The following DNAH3 variants were observed in gnomAD, a reference collection of about 807,000 sequenced individuals.
DNAH3 encodes the protein axonemal beta dynein heavy chain 3.
In DNAH3, 332 loss-of-function variants were observed where a neutral mutation model predicts 432.5. That is an observed-to-expected ratio of 0.77 (90% CI 0.70 to 0.84). The LOEUF is 0.84. Ranked by LOEUF, DNAH3 falls within the 40% of genes least tolerant of loss-of-function variation. The pLI is 0.00. For missense variants in DNAH3, 4,861 were observed against 5,114.0 expected (o/e 0.95, Z 1.51); for synonymous variants, 1,956 against 1,900.2 (o/e 1.03, Z -0.76).
chr16:20,948,278 T>C (rs1217836605), intron 57 of DNAH3, among the ~76,000 whole-genome samples: 1 of 148,392 alleles, frequency 6.7e-6, no homozygotes, highest in African/African-American at 2.5e-5. Context: ...TTGAAACACC[T>C]TGTCTACCAA....
intron 20 of DNAH3, among the ~76,000 whole-genome samples, chr16:21,077,707 T>C (rs2091024522): frequency 6.6e-6 from 1 of 152,116 alleles, no homozygotes; most frequent in South Asian, 2.1e-4. Context: ...GGCAAAGAAT[T>C]GGAAAGCCAA....
intron 12 of DNAH3, 59 bp downstream of exon 12, chr16:21,117,144 A>T: frequency 8.4e-7 from 1 of 1,196,846 alleles, no homozygotes; most frequent in Non-Finnish European, 1.2e-6. Flanking sequence ...GATGAGAGTT[A>T]AGAACACCAA....
At chr16:21,060,526 C>CTTTTTTTTTTTTTTTTTTTTTTTT (rs375746116) in intron 25 of DNAH3, among the ~76,000 whole-genome samples, 170 bp from the exon 26 acceptor site, 3 of 93,418 alleles carry the variant, frequency 3.2e-5, no homozygotes, top group Non-Finnish European at 6.1e-5. Flanking sequence ...TTTTTTTTTT[C>CTTTTTTTTTTTTTTTTTTTTTTTT]TTTTTTTTTT....
intron 1 of DNAH3, among the ~76,000 whole-genome samples, chr16:21,152,099 T>A (rs924306547): frequency 5.9e-5 from 9 of 151,996 alleles, no homozygotes; most frequent in Non-Finnish European, 1.3e-4. Flanking sequence ...CCGGGCATGG[T>A]GGTAGTCGCC....
intron 55 of DNAH3, among the ~76,000 whole-genome samples, chr16:20,954,084 G>T (rs367797569): frequency 1.3e-5 from 2 of 151,532 alleles, no homozygotes; most frequent in Admixed American, 6.6e-5. Flanking sequence ...AATTAACCGG[G>T]TGTGGTGGCA....
rs201298507 is a variant in DNAH3 at position 21,146,767 on chromosome 16, C to CTTT, written c.118-682_118-680dup. Among the ~76,000 whole-genome samples the CTTT allele has an allele frequency of 3.3e-4, 48 of 146,458 alleles. 1 individual carries two copies. Among genetic ancestry groups the CTTT allele is most frequent in the African/African-American group, 1.1e-3 (45 of 39,798 alleles). ...ACTCCTGTTTCTTTTTTCTTTCTTT[C>CTTT]TTTTTTTTTTTGAGATGGAGTCTTG... On this transcript the variant is annotated intron_variant, in intron 1 of 61. Transcript: ENST00000261383.
chr16:20,933,403 A>T (rs2083478142), exon 62 of DNAH3: 2 of 1,614,050 alleles, frequency 1.2e-6, no homozygotes, highest in African/African-American at 2.7e-5. Flanking sequence ...GAGATTCCCC[A>T]ATCTGCATCG....
intron 27 of DNAH3, 61 bp downstream of exon 27, chr16:21,058,025 G>A (rs949606168): frequency 2.7e-5 from 27 of 1,005,470 alleles, no homozygotes; most frequent in South Asian, 9.0e-5. Flanking sequence ...CTAATTATAC[G>A]TCATTCAAAT....
At chr16:20,997,871 T>C (rs892747908) in intron 43 of DNAH3, among the ~76,000 whole-genome samples, 2 of 145,414 alleles carry the variant, frequency 1.4e-5, no homozygotes, top group African/African-American at 2.6e-5. Context: ...TAGTCAGGCA[T>C]GGTGGCTTAT....
intron 26 of DNAH3, among the ~76,000 whole-genome samples, 160 bp from the exon 27 acceptor site, chr16:21,058,356 T>C (rs747330561): frequency 3.9e-5 from 6 of 152,238 alleles, no homozygotes; most frequent in African/African-American, 9.6e-5. Flanking sequence ...TACTGATTTA[T>C]GTCTTCCTTT....
Position 20,948,721 on chromosome 16 carries a change from C to G in DNAH3, c.11189-84G>C, listed in dbSNP as rs2084172267. 4 of 1,456,758 alleles carry G rather than the reference C, an allele frequency of 2.7e-6. No individual in the cohort carries two copies. In the South Asian group the frequency reaches 3.7e-5, roughly 13 times the overall value. 90.2% of individuals were successfully genotyped at this position (1,456,758 alleles called of 1,614,324 possible). ...GGTTGATGTAAAACACGGCATTCTTCCGGCCAAAGATCTCTGCTGGGACAT... is the reference window on the plus strand; with the variant it reads ...GGTTGATGTAAAACACGGCATTCTTGCGGCCAAAGATCTCTGCTGGGACAT... On this transcript the variant is annotated intron_variant, in intron 56 of 61. Coordinates refer to ENST00000261383, the Ensembl canonical transcript of DNAH3.
At chr16:21,067,393 T>C in exon 24 of DNAH3, 1 of 1,613,952 alleles carries the variant, frequency 6.2e-7, no homozygotes, top group Non-Finnish European at 8.5e-7. Context: ...GCTGGTCGGC[T>C]GCCACCAGAA....
At chr16:20,964,076 A>G (rs1367840159) in exon 53 of DNAH3, 1 of 1,614,190 alleles carries the variant, frequency 6.2e-7, no homozygotes, top group Non-Finnish European at 8.5e-7. Context: ...ATCTCTTCAG[A>G]TAGCACTTTG....
chr16:20,933,169 G>A (rs1567479800), exon 62 of DNAH3: 11 of 1,612,902 alleles, frequency 6.8e-6, no homozygotes, highest in Non-Finnish European at 9.3e-6. Flanking sequence ...TATCCAGCTG[G>A]CACAGTGAGG....
At chr16:21,134,233 G>GA (rs745689810) in intron 7 of DNAH3, 26 bp downstream of exon 8, 535 of 1,557,770 alleles carry the variant, frequency 3.4e-4, no homozygotes, top group South Asian at 5.9e-4. Context: ...GAAAGGGAAT[G>GA]AAAAAAAAAG....
rs765457589 is a variant in DNAH3 at position 21,060,268 on chromosome 16, A to G, written c.3809T>C (p.Val1270Ala). 17 of 1,613,302 alleles carry G rather than the reference A, an allele frequency of 1.1e-5. No homozygotes were observed. The Admixed American group carries it at 1.5e-4, about 14-fold the overall frequency. Residue 1270 changes from valine to alanine, a missense_variant, in exon 26 of 62, where the codon GTC (valine) becomes GCC (alanine). Val to Ala is a moderately conservative substitution (Grantham distance 64). Transcript: ENST00000261383. ...TGTACCCCGGTTCTTGTTTACCTTG[A>G]CATATGCTTCAATCCCAAGTCCAAT...
intron 51 of DNAH3, among the ~76,000 whole-genome samples, chr16:20,972,739 ATTTTTTTTTTTT>A (rs34245316): frequency 1.0e-5 from 1 of 95,976 alleles, no homozygotes; most frequent in Admixed American, 1.3e-4. Flanking sequence ...ATGCCCCGTG[ATTTTTTTTTTTT>A]TTTTTTTTTT....
rs377014742 is a variant in DNAH3, at chr16:21,081,717, A to G, written c.2888T>C (p.Ile963Thr). ...GGTGGGCTTTATCTCATAGCCAACAATCTCACTGATCTGCAAAGAAAAGAG... is the reference window on the plus strand; with the variant it reads ...GGTGGGCTTTATCTCATAGCCAACAGTCTCACTGATCTGCAAAGAAAAGAG... Residue 963 changes from isoleucine to threonine, a missense_variant, in exon 20 of 62, where the codon ATT becomes ACT. Transcript: ENST00000261383. The G allele has an allele frequency of 1.5e-5, 25 of 1,613,478 alleles. No individual in the cohort carries two copies. Among genetic ancestry groups the G allele is most frequent in the Non-Finnish European group, 2.1e-5 (25 of 1,179,640 alleles).
chr16:21,132,841 T>TA (rs1001028226), intron 7 of DNAH3, among the ~76,000 whole-genome samples: 1 of 152,158 alleles, frequency 6.6e-6, no homozygotes, highest in Non-Finnish European at 1.5e-5. Flanking sequence ...GTGAATATAT[T>TA]AAAAACTTGC....
Sources: gnomAD v4.1 joint callset for allele counts (sites outside exome capture counted in the v4.1 genomes callset) on GRCh38, gnomAD v4.1.1 for gene constraint, MANE v1.5 for transcripts, NCBI Gene and HGNC (gene_info 2026-07-23, HGNC 2026-07-21) for gene names.